CCDC63: variants seen among roughly 807,000 people sequenced by gnomAD.
CCDC63 encodes the protein coiled-coil domain containing 63, also known as coiled-coil domain-containing protein 63.
Under a neutral mutation model 63.6 loss-of-function variants are expected in CCDC63, and 54 were observed. That is an observed-to-expected ratio of 0.85 (90% CI 0.68 to 1.07). The LOEUF (loss-of-function observed/expected upper bound fraction) is 1.07, where lower values mean the gene tolerates loss of function less well. Among genes scored for constraint, CCDC63 ranks in the 50% least tolerant of loss-of-function variants. The pLI, the probability that CCDC63 is intolerant of heterozygous loss-of-function variation, is 0.00. For synonymous variants in CCDC63, 253 were observed against 266.1 expected (o/e 0.95, Z 0.48); for missense variants, 637 against 689.6 (o/e 0.92, Z 0.86).
At chr12:110,897,749 TTG>T (rs2071432235) in intron 9 of CCDC63, among the ~76,000 whole-genome samples, 1 of 150,240 alleles carries the variant, frequency 6.7e-6, no homozygotes. Context: ...TTTTTTTTTT[TTG>T]AGATAGAGTC....
intron 5 of CCDC63, among the ~76,000 whole-genome samples, chr12:110,879,506 A>T (rs938235576): frequency 1.3e-5 from 2 of 151,326 alleles, no homozygotes; most frequent in African/African-American, 2.4e-5. Flanking sequence ...GCCCCACCCA[A>T]TTTTTTTTTC....
intron 8 of CCDC63, among the ~76,000 whole-genome samples, chr12:110,892,854 C>T (rs1043478245): frequency 6.6e-6 from 1 of 151,940 alleles, no homozygotes; most frequent in Admixed American, 6.6e-5. Context: ...GATGACTCAC[C>T]CCTCCCACCC....
intron 4 of CCDC63, among the ~76,000 whole-genome samples, chr12:110,862,436 C>T (rs2070867754): frequency 6.6e-6 from 1 of 152,254 alleles, no homozygotes; most frequent in Non-Finnish European, 1.5e-5. Context: ...AAGACAGCAT[C>T]TTGCTTAGGG....
chr12:110,889,298 G>A lies in CCDC63; in HGVS notation c.1075-3778G>A, dbSNP rs1592778748. Among the ~76,000 whole-genome samples the A allele has an allele frequency of 6.6e-6, 1 of 152,102 alleles. No homozygotes were observed. Among genetic ancestry groups the A allele is most frequent in the East Asian group, 1.9e-4 (1 of 5,202 alleles). ...CCTCACAGAACTGCTGTTTTGGCAGGGAGAAACAGACAATAAACAACAAGC... is the reference window on the plus strand; with the variant it reads ...CCTCACAGAACTGCTGTTTTGGCAGAGAGAAACAGACAATAAACAACAAGC... On this transcript the variant is annotated intron_variant, in intron 8 of 11. Transcript: ENST00000308208. The surrounding 1 kb of genome is among the most constrained non-coding windows in gnomAD (Gnocchi z 4.1).
Position 110,880,093 on chromosome 12 carries a change from C to CCTATCCTA in CCDC63, c.671+6_671+7insCTATCCTA. 1 of 1,613,242 alleles carries CCTATCCTA rather than the reference C, an allele frequency of 6.2e-7. No homozygotes were observed. Among genetic ancestry groups the CCTATCCTA allele is most frequent in the Non-Finnish European group, 8.5e-7 (1 of 1,179,500 alleles). ...TCTCAGGCCTATGAGCAGAGGTGGGCTGGGGATAGGTCCAGGGGCAGCGAG... is the reference window on the plus strand; with the variant it reads ...TCTCAGGCCTATGAGCAGAGGTGGGCCTATCCTATGGGGATAGGTCCAGGGGCAGCGAG... On this transcript the variant is annotated splice_region_variant and intron_variant, in intron 6 of 11. Transcript: ENST00000308208.
intron 11 of CCDC63, among the ~76,000 whole-genome samples, chr12:110,905,951 AT>A (rs1200717418): frequency 1.8e-4 from 6 of 34,224 alleles, no homozygotes; most frequent in African/African-American, 5.9e-4. Flanking sequence ...TATATATTAT[AT>A]TATTATAATA....
At chr12:110,895,219 T>G (rs1424007359) in intron 9 of CCDC63, among the ~76,000 whole-genome samples, 1 of 152,242 alleles carries the variant, frequency 6.6e-6, no homozygotes, top group African/African-American at 2.4e-5. Context: ...GTTCATGCGA[T>G]TCTCCTGCCT....
At position 110,905,882 on chromosome 12, in the gene CCDC63, A is replaced by AATATATATTATAT. The variant is rs2071554567; in HGVS notation, c.1546+1091_1546+1092insATATATATTATAT. Among the ~76,000 whole-genome samples the AATATATATTATAT allele has an allele frequency of 1.0e-4, 10 of 97,976 alleles. No homozygotes were observed. The South Asian group carries it at 1.5e-3, about 14-fold the overall frequency. The allele number at this position is 97,976 out of a possible 152,430, so 64.3% of individuals were successfully genotyped here. ...TGTATGTGTATATATGTGTGTGTGT[A>AATATATATTATAT]TATATATAATATTATATATAATATA... On this transcript the variant is annotated intron_variant, in intron 11 of 11. Coordinates refer to ENST00000308208, the MANE Select transcript of CCDC63 (RefSeq NM_152591.3).
chr12:110,905,820 G>A (rs2071552506), intron 11 of CCDC63, among the ~76,000 whole-genome samples: 1 of 128,838 alleles, frequency 7.8e-6, no homozygotes, highest in African/African-American at 3.0e-5. Context: ...ACACATGCGT[G>A]TGTACACACA....
At chr12:110,852,291 T>C (rs574379672) in intron 1 of CCDC63, among the ~76,000 whole-genome samples, 9 of 152,272 alleles carry the variant, frequency 5.9e-5, no homozygotes, top group Admixed American at 4.6e-4. Context: ...AGTCTCACTC[T>C]GTCACCCAGG....
At position 110,879,971 on chromosome 12, in the gene CCDC63, A is replaced by G. The variant is rs778643184; in HGVS notation, c.555A>G (p.Leu185=). ...AGCTCCGGAAGGAGATTGAAGACCT[A>G]CGATTTGAGAAGGCTGCTTATGACA... The part of the protein sequence containing the change: ...NAKLRKEIED[L]RFEKAAYDNV... The change falls in exon 6 of 12, where the codon CTA becomes CTG. Residue 185 remains leucine, a synonymous_variant. Coordinates refer to ENST00000308208, the MANE Select transcript of CCDC63 (RefSeq NM_152591.3). The G allele has an allele frequency of 4.6e-5, 75 of 1,614,096 alleles. No homozygotes were observed. The highest frequency in any genetic ancestry group is 6.1e-5 in the Non-Finnish European group (72 of 1,180,036).
At chr12:110,863,599 G>C (rs1443488598) in intron 4 of CCDC63, among the ~76,000 whole-genome samples, 1 of 150,512 alleles carries the variant, frequency 6.6e-6, no homozygotes, top group Non-Finnish European at 1.5e-5. Context: ...GGAGTGCAGT[G>C]GCACAATCTC....
intron 4 of CCDC63, among the ~76,000 whole-genome samples, chr12:110,865,474 A>AG (rs1173407762): frequency 6.6e-6 from 1 of 151,484 alleles, no homozygotes; most frequent in Non-Finnish European, 1.5e-5. Flanking sequence ...CAAAAAAAAA[A>AG]AAAAAAAAGA....
chr12:110,858,423 G>C (rs1246990697), intron 3 of CCDC63, among the ~76,000 whole-genome samples, 163 bp from the exon 4 acceptor site: 1 of 152,170 alleles, frequency 6.6e-6, no homozygotes, highest in African/African-American at 2.4e-5. Flanking sequence ...AGGTGATCAG[G>C]CTTCCAGACC....
At chr12:110,857,286 C>T (rs902006540) in intron 3 of CCDC63, among the ~76,000 whole-genome samples, 6 of 151,700 alleles carry the variant, frequency 4.0e-5, no homozygotes, top group Admixed American at 6.6e-5. Flanking sequence ...CCACCCCCCC[C>T]GGCTAATTTT....
At chr12:110,901,955 T>A (rs1462854837) in intron 10 of CCDC63, among the ~76,000 whole-genome samples, 2 of 152,044 alleles carry the variant, frequency 1.3e-5, no homozygotes, top group Non-Finnish European at 2.9e-5. Context: ...CTCAGCTTCC[T>A]AAGTAGCTGG....
intron 8 of CCDC63, among the ~76,000 whole-genome samples, chr12:110,885,018 G>A (rs1034433544): frequency 2.4e-4 from 37 of 151,912 alleles, no homozygotes; most frequent in Non-Finnish European, 4.4e-5. Context: ...GTCTTTCAAT[G>A]TATAGATACA....
At chr12:110,860,767 T>G (rs542706723) in intron 4 of CCDC63, among the ~76,000 whole-genome samples, 1 of 152,062 alleles carries the variant, frequency 6.6e-6, no homozygotes, top group Non-Finnish European at 1.5e-5. Context: ...TTTTGTAATT[T>G]TAGTACAGAC....
upstream of CCDC63, among the ~76,000 whole-genome samples, chr12:110,846,380 T>G (rs2070637191): frequency 6.6e-6 from 1 of 152,188 alleles, no homozygotes; most frequent in South Asian, 2.1e-4. Context: ...TAAACTCCGT[T>G]AGGGCAGTGA....
Sources: gnomAD v4.1 joint callset for allele counts (sites outside exome capture counted in the v4.1 genomes callset) on GRCh38, gnomAD v4.1.1 for gene constraint, Gnocchi (gnomAD v3.1) non-coding constraint, MANE v1.5 for transcripts, NCBI Gene and HGNC (gene_info 2026-07-23, HGNC 2026-07-21) for gene names.